The following NRG1 variants were observed in gnomAD, a reference collection of about 807,000 sequenced individuals.
NRG1 encodes pro-neuregulin-1, membrane-bound isoform.
Under a neutral mutation model 63.8 loss-of-function variants are expected in NRG1, and 18 were observed. That is an observed-to-expected ratio of 0.28 (90% CI 0.19 to 0.42). The LOEUF is 0.42. Among genes scored for constraint, NRG1 ranks in the 10% least tolerant of loss-of-function variants. NRG1 has a pLI of 1.00. For synonymous variants in NRG1, 302 were observed against 301.3 expected (o/e 1.00, Z -0.02); for missense variants, 762 against 814.7 (o/e 0.94, Z 0.79).
At position 32,330,951 on chromosome 8, in the gene NRG1, G is replaced by T. The variant is rs558098991; in HGVS notation, c.38-264877G>T. On this transcript the variant is annotated intron_variant, in intron 1 of 10. Transcript: ENST00000519301. ...CTGATCTAGAGTTTTAGATTGTTTTGTTTGTTTTGTTTTGTTTTCCTGTAC... is the reference window on the plus strand; with the variant it reads ...CTGATCTAGAGTTTTAGATTGTTTTTTTTGTTTTGTTTTGTTTTCCTGTAC... 6.2e-3 allele frequency among the ~76,000 whole-genome samples: 926 copies of T among 148,374 alleles called. 5 individuals are homozygous for T. Among genetic ancestry groups the T allele is most frequent in the Non-Finnish European group, 9.7e-3 (652 of 66,980 alleles).
At chr8:32,650,009 C>T (rs1854644921) in intron 5 of NRG1, among the ~76,000 whole-genome samples, 1 of 152,000 alleles carries the variant, frequency 6.6e-6, no homozygotes, top group African/African-American at 2.4e-5. Flanking sequence ...TTTCATTGTC[C>T]AGAGAAAGAA....
chr8:32,233,840 C>A (rs1054154636), intron 1 of NRG1, among the ~76,000 whole-genome samples: 2 of 152,022 alleles, frequency 1.3e-5, no homozygotes, highest in African/African-American at 4.8e-5. Context: ...GCTGGGATTA[C>A]AGGTGTGAGC....
At chr8:31,954,888 C>T (rs1804106945) in intron 1 of NRG1, among the ~76,000 whole-genome samples, 1 of 152,122 alleles carries the variant, frequency 6.6e-6, no homozygotes, top group Non-Finnish European at 1.5e-5. Flanking sequence ...TGGCTTTGAC[C>T]TCCAATACTT....
At chr8:32,123,894 G>T (rs978823996) in intron 1 of NRG1, among the ~76,000 whole-genome samples, 1 of 151,644 alleles carries the variant, frequency 6.6e-6, no homozygotes, top group Non-Finnish European at 1.5e-5. Context: ...TCTCAGAGTT[G>T]AACTCAAGGG....
chr8:31,975,468 C>T (rs903595056), intron 1 of NRG1, among the ~76,000 whole-genome samples: 12 of 152,124 alleles, frequency 7.9e-5, no homozygotes, highest in African/African-American at 2.9e-4. Context: ...GACATGTTAA[C>T]TTGATGTTAG....
intron 6 of NRG1, among the ~76,000 whole-genome samples, chr8:32,729,811 G>T (rs1187875997): frequency 6.6e-6 from 1 of 152,188 alleles, no homozygotes; most frequent in Non-Finnish European, 1.5e-5. Context: ...ATGTTTTGCT[G>T]CTCTCTGAGC....
chr8:32,526,483 G>A (rs4733350), intron 1 of NRG1, among the ~76,000 whole-genome samples: 17,091 of 152,162 alleles, frequency 0.11, 1,220 homozygotes, highest in Admixed American at 0.24. Context: ...CACCAGGCCC[G>A]CCCATACTCA....
intron 1 of NRG1, among the ~76,000 whole-genome samples, chr8:31,738,356 A>G (rs540877744): frequency 6.6e-6 from 1 of 152,140 alleles, no homozygotes; most frequent in Non-Finnish European, 1.5e-5. Flanking sequence ...GGGTTCTTAC[A>G]TAGCTGAGTG....
At chr8:32,209,163 T>C (rs1333171018) in intron 1 of NRG1, among the ~76,000 whole-genome samples, 1 of 152,172 alleles carries the variant, frequency 6.6e-6, no homozygotes, top group Non-Finnish European at 1.5e-5. Context: ...AAGTTATAGA[T>C]ATCTTAAGAA....
At chr8:32,420,552 T>G (rs757875475) in intron 1 of NRG1, among the ~76,000 whole-genome samples, 83 of 152,020 alleles carry the variant, frequency 5.5e-4, no homozygotes, top group Admixed American at 2.0e-3. Context: ...TTTTTTTTTT[T>G]TCCTACTAAA....
At chr8:32,414,439 C>G (rs1333754875) in intron 1 of NRG1, among the ~76,000 whole-genome samples, 1 of 152,174 alleles carries the variant, frequency 6.6e-6, no homozygotes, top group Admixed American at 6.5e-5. Flanking sequence ...GCATCCTAAA[C>G]ACTAATTTTG....
At chr8:32,233,172 G>A (rs1214491724) in intron 1 of NRG1, among the ~76,000 whole-genome samples, 1 of 152,024 alleles carries the variant, frequency 6.6e-6, no homozygotes, top group Non-Finnish European at 1.5e-5. Flanking sequence ...TGCAATTATG[G>A]CTCACTGCAG....
At chr8:32,064,762 T>G (rs1025289540) in intron 1 of NRG1, among the ~76,000 whole-genome samples, 14 of 152,262 alleles carry the variant, frequency 9.2e-5, no homozygotes, top group East Asian at 1.9e-4. Flanking sequence ...TTTACTACCT[T>G]TGACAGCTCT....
In NRG1 at chr8:32,653,403, T is replaced by C. The variant is rs140311683; in HGVS notation, c.502+36518T>C. On this transcript the variant is annotated intron_variant, in intron 5 of 11. Coordinates refer to ENST00000356819, the Ensembl canonical transcript of NRG1. Reference sequence around the variant, plus strand: ...CCTTTTGACTTCCACTCCTGTCTTTTCTTAATATGTTTTCTTCTCCATCTA... The same window carrying C: ...CCTTTTGACTTCCACTCCTGTCTTTCCTTAATATGTTTTCTTCTCCATCTA... Among the ~76,000 whole-genome samples the C allele has an allele frequency of 7.7e-3, 1,179 of 152,294 alleles. 5 individuals carry two copies. Among genetic ancestry groups the C allele is most frequent in the Middle Eastern group, 0.024 (7 of 294 alleles).
chr8:32,592,905 C>G (rs1842765004), intron 1 of NRG1, among the ~76,000 whole-genome samples: 1 of 152,088 alleles, frequency 6.6e-6, no homozygotes, highest in Admixed American at 6.5e-5. Flanking sequence ...CTACTGTTGA[C>G]TGGAAGTCTT....
intron 1 of NRG1, among the ~76,000 whole-genome samples, chr8:31,718,068 C>A (rs1812537849): frequency 6.6e-6 from 1 of 152,158 alleles, no homozygotes; most frequent in Non-Finnish European, 1.5e-5. Flanking sequence ...AAAAACAAGA[C>A]TGTTCCCATT....
chr8:31,680,227 G>A (rs1044722861), intron 1 of NRG1, among the ~76,000 whole-genome samples: 2 of 151,450 alleles, frequency 1.3e-5, no homozygotes, highest in Non-Finnish European at 2.9e-5. Flanking sequence ...TGCCATGCTG[G>A]TGCGCTGCAC....
chr8:31,931,647 A>G (rs1364280486), intron 1 of NRG1, among the ~76,000 whole-genome samples: 1 of 152,200 alleles, frequency 6.6e-6, no homozygotes, highest in Non-Finnish European at 1.5e-5. Context: ...CCTTATTGTC[A>G]AAGAATATAA....
At chr8:31,737,574 A>G (rs1484485980) in intron 1 of NRG1, among the ~76,000 whole-genome samples, 1 of 152,176 alleles carries the variant, frequency 6.6e-6, no homozygotes, top group Non-Finnish European at 1.5e-5. Flanking sequence ...TCTCCAAGGT[A>G]AAATTATCTC....
Sources: gnomAD v4.1 joint callset for allele counts (sites outside exome capture counted in the v4.1 genomes callset) on GRCh38, gnomAD v4.1.1 for gene constraint, MANE v1.5 for transcripts, NCBI Gene and HGNC (gene_info 2026-07-23, HGNC 2026-07-21) for gene names.